FSTL4: variants seen among roughly 807,000 people sequenced by gnomAD.
FSTL4 encodes the protein follistatin like 4, also known as follistatin-related protein 4.
FSTL4 carries 28 observed loss-of-function variants against 78.2 expected under a neutral mutation model. The ratio of observed to expected loss-of-function variants is 0.36; its 90% CI spans 0.27 to 0.49. FSTL4 has a LOEUF of 0.49. FSTL4 is among the 20% of genes least tolerant of loss of function. FSTL4 has a pLI of 0.98. For synonymous variants in FSTL4, 422 were observed against 440.5 expected, an observed-to-expected ratio of 0.96 and a Z score of 0.53; for missense variants, 922 against 1,084.9, an observed-to-expected ratio of 0.85 and a Z score of 2.11.
At chr5:133,473,709 G>T (rs1334385131) in intron 3 of FSTL4, among the ~76,000 whole-genome samples, 1 of 152,152 alleles carries the variant, frequency 6.6e-6, no homozygotes, top group Non-Finnish European at 1.5e-5. Flanking sequence ...CTGAGACTGG[G>T]TAATTTACAG....
the FSTL4 span, among the ~76,000 whole-genome samples, chr5:133,721,316 A>T: frequency 6.6e-6 from 1 of 152,222 alleles, no homozygotes; most frequent in African/African-American, 2.4e-5. Flanking sequence ...TATGATTTAT[A>T]CACCAGCGGT....
intron 6 of FSTL4, among the ~76,000 whole-genome samples, chr5:133,253,499 C>T (rs572606220): frequency 4.6e-5 from 7 of 152,220 alleles, no homozygotes; most frequent in Non-Finnish European, 7.3e-5. Context: ...CTTGCAAGTG[C>T]TCCCACTGCA....
intron 4 of FSTL4, among the ~76,000 whole-genome samples, chr5:133,394,414 G>A (rs979555607): frequency 1.3e-5 from 2 of 152,250 alleles, no homozygotes; most frequent in African/African-American, 4.8e-5. Flanking sequence ...CTGAGTTCCA[G>A]GTGGGCATGG....
intron 4 of FSTL4, among the ~76,000 whole-genome samples, chr5:133,323,710 T>C (rs1173491708): frequency 3.9e-5 from 6 of 152,192 alleles, no homozygotes; most frequent in African/African-American, 9.6e-5. Context: ...TCAGGCTCCT[T>C]GCCAGCACAT....
At chr5:133,261,944 A>T (rs1182015842) in intron 6 of FSTL4, among the ~76,000 whole-genome samples, 12 of 151,554 alleles carry the variant, frequency 7.9e-5, no homozygotes, top group African/African-American at 1.2e-4. Flanking sequence ...GTGAGCTGAG[A>T]TTGCGCCACT....
In FSTL4 at chr5:133,199,994, G is replaced by GAGTT. The variant is rs1182398265; in HGVS notation, c.1827-201_1827-198dup. 6.6e-6 allele frequency among the ~76,000 whole-genome samples: 1 copy of GAGTT among 152,222 alleles called. No individual in the cohort carries two copies. Among genetic ancestry groups the GAGTT allele is most frequent in the Non-Finnish European group, 1.5e-5 (1 of 68,054 alleles). On this transcript the variant is annotated intron_variant, in intron 15 of 15. Coordinates refer to ENST00000265342, the MANE Select transcript of FSTL4 (RefSeq NM_015082.2). The surrounding 1 kb of genome is among the most constrained non-coding windows in gnomAD (Gnocchi z 4.4). ...CTATGATCTCAATCCAAACGCAGTGGAGTTACAAATGTTCCTGGATTTATG... is the reference window on the plus strand; with the variant it reads ...CTATGATCTCAATCCAAACGCAGTGGAGTTAGTTACAAATGTTCCTGGATTTATG...
At chr5:133,814,313 T>A in the FSTL4 span, among the ~76,000 whole-genome samples, 2 of 152,144 alleles carry the variant, frequency 1.3e-5, no homozygotes, top group East Asian at 3.9e-4. Context: ...CCACGTGGAA[T>A]GTGAAAAGCC....
At chr5:133,306,113 C>T (rs761798498) in intron 6 of FSTL4, among the ~76,000 whole-genome samples, 2 of 152,240 alleles carry the variant, frequency 1.3e-5, no homozygotes, top group Non-Finnish European at 2.9e-5. Context: ...GAAATACAAA[C>T]CCATATTCTA....
At chr5:133,251,533 C>G (rs527945255) in intron 6 of FSTL4, among the ~76,000 whole-genome samples, 16 of 152,074 alleles carry the variant, frequency 1.1e-4, no homozygotes, top group Non-Finnish European at 1.6e-4. Flanking sequence ...TCACTGCATC[C>G]GGACAATGAG....
chr5:133,267,973 G>T (rs73788029), intron 6 of FSTL4, among the ~76,000 whole-genome samples: 3,649 of 152,258 alleles, frequency 0.024, 156 homozygotes, highest in African/African-American at 0.082. Context: ...GACTCTGGAG[G>T]AATTTGCTTT....
intron 7 of FSTL4, among the ~76,000 whole-genome samples, chr5:133,241,743 C>T (rs1226221986): frequency 1.3e-5 from 2 of 152,192 alleles, no homozygotes; most frequent in South Asian, 2.1e-4. Flanking sequence ...CCACCTCACA[C>T]CTGCTGCTTT....
chr5:133,266,051 G>A (rs1191300532), intron 6 of FSTL4, among the ~76,000 whole-genome samples: 1 of 152,126 alleles, frequency 6.6e-6, no homozygotes, highest in East Asian at 1.9e-4. Flanking sequence ...CTAAGCCCTC[G>A]CTAAGGGTGA....
intron 2 of FSTL4, among the ~76,000 whole-genome samples, chr5:133,577,750 A>T (rs1760315216): frequency 6.6e-6 from 1 of 152,160 alleles, no homozygotes; most frequent in South Asian, 2.1e-4. Flanking sequence ...ACAAAAAAAT[A>T]TGAAAATTAG....
intron 7 of FSTL4, chr5:133,243,766 C>T (rs1751951929): frequency 6.6e-6 from 1 of 152,276 alleles, no homozygotes; most frequent in African/African-American, 2.4e-5. Context: ...ACACTGGCAA[C>T]AACACTTGTG....
At chr5:133,382,437 C>T (rs1755595467) in intron 4 of FSTL4, among the ~76,000 whole-genome samples, 1 of 152,218 alleles carries the variant, frequency 6.6e-6, no homozygotes, top group Non-Finnish European at 1.5e-5. Context: ...TGTTAGTTCT[C>T]ATCATTCCCT....
chr5:133,308,365 T>C (rs1753702547), intron 6 of FSTL4, among the ~76,000 whole-genome samples: 2 of 152,352 alleles, frequency 1.3e-5, no homozygotes, highest in South Asian at 4.1e-4. Flanking sequence ...CTATTTAAAA[T>C]CTTGTTACTT....
At chr5:133,263,986 A>AAACCCATT (rs1752591644) in intron 6 of FSTL4, among the ~76,000 whole-genome samples, 1 of 152,168 alleles carries the variant, frequency 6.6e-6, no homozygotes, top group African/African-American at 2.4e-5. Context: ...AGATTGGGTA[A>AAACCCATT]AACCCATTTG....
At chr5:133,300,917 C>T (rs576399088) in intron 6 of FSTL4, among the ~76,000 whole-genome samples, 14 of 152,178 alleles carry the variant, frequency 9.2e-5, no homozygotes, top group Admixed American at 2.0e-4. Flanking sequence ...TCTGTGGAGC[C>T]GGAAGCCCTG....
chr5:133,624,677 T>C, the FSTL4 span, among the ~76,000 whole-genome samples: 2 of 151,976 alleles, frequency 1.3e-5, no homozygotes, highest in Non-Finnish European at 2.9e-5. Flanking sequence ...TATGTATCTG[T>C]GTCTCTAACA....
Sources: allele counts gnomAD v4.1 joint callset (sites outside exome capture counted in the v4.1 genomes callset), GRCh38; gene constraint gnomAD v4.1.1; non-coding constraint Gnocchi (gnomAD v3.1); transcripts MANE v1.5; gene names NCBI Gene and HGNC (gene_info 2026-07-23, HGNC 2026-07-21).